Variants in CDK12 observed in about 807,000 individuals in gnomAD.
The protein encoded by CDK12 is cyclin dependent kinase 12.
In CDK12, 17 loss-of-function variants were observed where a neutral mutation model predicts 133.8. That is an observed-to-expected ratio of 0.13 (90% CI 0.09 to 0.19). CDK12 has a LOEUF of 0.19. Among genes scored for constraint, CDK12 ranks in the 10% least tolerant of loss-of-function variants. CDK12 has a pLI of 1.00. For missense variants in CDK12, 1,508 were observed against 1,818.7 expected, an observed-to-expected ratio of 0.83 and a Z score of 3.11; for synonymous variants, 694 against 683.6, an observed-to-expected ratio of 1.02 and a Z score of -0.24.
At chr17:39,505,025 T>C (rs1345858276) in intron 6 of CDK12, among the ~76,000 whole-genome samples, 2 of 150,028 alleles carry the variant, frequency 1.3e-5, no homozygotes, top group African/African-American at 2.5e-5. Context: ...GGTCAGGCGT[T>C]CAAGATCATC....
At chr17:39,510,623 C>CT (rs893921200) in intron 7 of CDK12, among the ~76,000 whole-genome samples, 139 of 148,992 alleles carry the variant, frequency 9.3e-4, no homozygotes, top group African/African-American at 3.0e-3. Flanking sequence ...CCTCCTTTTT[C>CT]TTTTTTTTTC....
intron 11 of CDK12, among the ~76,000 whole-genome samples, chr17:39,522,342 C>T (rs1166538075): frequency 6.6e-6 from 1 of 152,202 alleles, no homozygotes; most frequent in Admixed American, 6.5e-5. Context: ...CTGCCTCGGC[C>T]TCCGAAAGTG....
In CDK12 at chr17:39,461,845, C is replaced by T; in HGVS notation, c.-227C>T. 3 of 571,894 alleles carry T rather than the reference C, an allele frequency of 5.2e-6. No homozygotes were observed. The South Asian group carries it at 6.6e-5, about 13-fold the overall frequency. 35.4% of individuals were successfully genotyped at this position (571,894 alleles called of 1,614,324 possible). Reference sequence around the variant, plus strand: ...AGCTCCCCGTTGTCTCGCAACTCCACTGCCGAGGAACTCTCATTTCTTCCC... The same window carrying T: ...AGCTCCCCGTTGTCTCGCAACTCCATTGCCGAGGAACTCTCATTTCTTCCC... On this transcript the variant is annotated 5_prime_UTR_variant, in exon 1 of 14. Transcript: ENST00000447079.
At chr17:39,526,934 G>A (rs1030512873) in intron 13 of CDK12, among the ~76,000 whole-genome samples, 2 of 152,162 alleles carry the variant, frequency 1.3e-5, no homozygotes, top group African/African-American at 4.8e-5. Flanking sequence ...ATCAGGAAGT[G>A]CGTGTATTAT....
rs1290534650 is a variant in CDK12, at chr17:39,495,060, C to T, written c.2419+366C>T. Among the ~76,000 whole-genome samples, 9 of 151,772 alleles carry T rather than the reference C, an allele frequency of 5.9e-5. No homozygotes were observed. The South Asian group carries it at 1.2e-3, about 21-fold the overall frequency. On this transcript the variant is annotated intron_variant, in intron 5 of 13. Transcript: ENST00000447079. ...TTCTGGGATTACAGGCATGAGCCAC[C>T]GCGCCTGGCCCTTTCTTTCTTATTT...
chr17:39,485,705 C>G (rs926459921), intron 2 of CDK12, among the ~76,000 whole-genome samples: 1 of 151,428 alleles, frequency 6.6e-6, no homozygotes, highest in Non-Finnish European at 1.5e-5. Context: ...AGCCACTGTG[C>G]CTGGCCCCTG....
rs1338282304 is a variant in CDK12, at chr17:39,531,998, TCC to T, written c.*684_*685del. The T allele has an allele frequency of 8.6e-6, 2 of 233,734 alleles. No homozygotes were observed. Among genetic ancestry groups the T allele is most frequent in the African/African-American group, 2.2e-5 (1 of 45,336 alleles). The allele number at this position is 233,734 out of a possible 1,614,324, so 14.5% of individuals were successfully genotyped here. A position where few individuals can be genotyped will look rare whatever the true frequency, so the allele number is the denominator to read the frequency against. On this transcript the variant is annotated 3_prime_UTR_variant, in exon 14 of 14. Coordinates refer to ENST00000447079, the MANE Select transcript of CDK12 (RefSeq NM_016507.4). ...CACTTTGACAAAAGATACGCCCTTC[TCC>T]CTGCACATAAAGCAGGTTGTAGAAC...
intron 8 of CDK12, among the ~76,000 whole-genome samples, chr17:39,513,507 A>C (rs1387753253): frequency 6.6e-6 from 1 of 152,188 alleles, no homozygotes; most frequent in African/African-American, 2.4e-5. Context: ...CAGTATTAGC[A>C]TTTAAATTGT....
At chr17:39,559,443 C>T (rs1379705043) in intron 3 of CDK12, among the ~76,000 whole-genome samples, 1 of 152,186 alleles carries the variant, frequency 6.6e-6, no homozygotes, top group Non-Finnish European at 1.5e-5. Flanking sequence ...TCTAACACAA[C>T]AAGAATTCTT....
At chr17:39,508,698 A>G (rs750440835) in intron 6 of CDK12, among the ~76,000 whole-genome samples, 7 of 152,172 alleles carry the variant, frequency 4.6e-5, no homozygotes, top group Non-Finnish European at 7.3e-5. Flanking sequence ...TGTCAAGGAT[A>G]GAATACTGAG....
rs757116953 is a variant in CDK12, at chr17:39,462,324, G to C, written c.253G>C (p.Asp85His). Residue 85 changes from aspartate (D) to histidine (H), a missense_variant, in exon 1 of 14, where the codon GAT becomes CAT. This residue lies in a region of CDK12 where 460 missense variants were observed against 490.8 expected (regional missense o/e 0.94). Coordinates refer to ENST00000447079, the MANE Select transcript of CDK12 (RefSeq NM_016507.4). Reference protein sequence around the residue: ...DISSDSDTFSDDMAFKLDRRE... With the variant: ...DISSDSDTFSHDMAFKLDRRE... ...CAGCTCTGATTCCGACACCTTCTCC[G>C]ATGACATGGCCTTCAAACTAGACCG... 6.2e-6 allele frequency: 10 copies of C among 1,614,078 alleles called. No individual in the cohort carries two copies. The Admixed American group carries it at 6.7e-5, about 11-fold the overall frequency.
In CDK12 at chr17:39,463,085, C is replaced by G; in HGVS notation, c.1014C>G (p.Ser338Arg). 1 of 1,614,152 alleles carries G rather than the reference C, an allele frequency of 6.2e-7. No individual in the cohort carries two copies. ...GGCGGTCCAGCAGCCCTTTCCTGAG[C>G]AAGCGGTCTCTGAGTCGGAGTCCAC... ...GRRRSSSPFL[S>R]KRSLSRSPLP... is the part of the protein sequence containing the mutation. The change falls in exon 1 of 14, where the codon AGC (serine) becomes AGG (arginine). Residue 338 changes from serine (S) to arginine (R), a missense_variant. By Grantham distance (110) the Ser-to-Arg change is moderately radical. Around this residue, in one of 9 missense-constraint regions of CDK12, gnomAD observed 460 missense variants for 490.8 expected, o/e 0.94. Transcript: ENST00000447079.
rs1454783807 is a variant in CDK12 at position 39,532,428 on chromosome 17, T to G, written c.*1112T>G. The G allele has an allele frequency of 4.3e-6, 1 of 232,572 alleles. No homozygotes were observed. The highest frequency in any genetic ancestry group is 6.0e-5 in the East Asian group (1 of 16,642). 14.4% of individuals were successfully genotyped at this position (232,572 alleles called of 1,614,324 possible). A position where few individuals can be genotyped will look rare whatever the true frequency, so the allele number is the denominator to read the frequency against. On this transcript the variant is annotated 3_prime_UTR_variant, in exon 14 of 14. Transcript: ENST00000447079. ...CATTCCTAGAGGGCTAATAACAGCA[T>G]TTAGCATATTGTTTACACATATATT...
At chr17:39,514,702 TTAGTA>T (rs1476156011) in intron 8 of CDK12, among the ~76,000 whole-genome samples, 4 of 152,152 alleles carry the variant, frequency 2.6e-5, no homozygotes, top group Non-Finnish European at 4.4e-5. Flanking sequence ...ACAGAAAACT[TTAGTA>T]TAGCCTTATC....
At chr17:39,548,107 G>C (rs1253415381), upstream of CDK12, among the ~76,000 whole-genome samples, 1 of 152,172 alleles carries the variant, frequency 6.6e-6, no homozygotes, top group African/African-American at 2.4e-5. Context: ...CGAGGGCGCT[G>C]CTGGCCAATT....
At chr17:39,525,798 T>C in intron 12 of CDK12, 66 bp from the exon 13 acceptor site, 1 of 1,250,918 alleles carries the variant, frequency 8.0e-7, no homozygotes, top group Non-Finnish European at 1.1e-6. Context: ...CTGTTGCCAG[T>C]TGAAGAAGGC....
In CDK12 at chr17:39,531,155, C is replaced by G; in HGVS notation, c.4312C>G (p.Gln1438Glu). The change falls in exon 14 of 14, where the codon CAA becomes GAA. Residue 1438 changes from glutamine to glutamate, a missense_variant. Coordinates refer to ENST00000447079, the MANE Select transcript of CDK12 (RefSeq NM_016507.4). ...TGTGGTACATGCAGAGACCAAATTG[C>G]AAAACTATGGGGAGCTGGGGCCAGG... is the stretch of plus-strand genomic sequence containing the variant. The part of the protein sequence containing the change: ...NSVVHAETKL[Q>E]NYGELGPGTT... 2 of 1,530,978 alleles carry G rather than the reference C, an allele frequency of 1.3e-6. No individual in the cohort carries two copies. The highest frequency in any genetic ancestry group is 1.8e-6 in the Non-Finnish European group (2 of 1,140,568). The allele number at this position is 1,530,978 out of a possible 1,614,324, so 94.8% of individuals were successfully genotyped here. A position where few individuals can be genotyped will look rare whatever the true frequency, so the allele number is the denominator to read the frequency against.
At chr17:39,480,678 C>A (rs2050573683) in intron 2 of CDK12, among the ~76,000 whole-genome samples, 1 of 152,086 alleles carries the variant, frequency 6.6e-6, no homozygotes, top group Non-Finnish European at 1.5e-5. Flanking sequence ...CTGCCTTGGC[C>A]TCCCAAAGTG....
rs2144872707 is a variant in CDK12 at position 39,462,445 on chromosome 17, C to T, written c.374C>T (p.Ala125Val). The T allele has an allele frequency of 6.2e-7, 1 of 1,614,036 alleles. No homozygotes were observed. The highest frequency in any genetic ancestry group is 1.1e-5 in the South Asian group (1 of 91,080). ...AGGCGTTCCCGGGACTTACTAAAAG[C>T]TAAACAGACCGAAAAAGAAAAAAGC... The part of the protein sequence containing the change: ...QHRRSRDLLK[A>V]KQTEKEKSQE... The change falls in exon 1 of 14, where the codon GCT becomes GTT. Residue 125 changes from alanine (A) to valine (V), a missense_variant. Physicochemically the swap from Ala to Val is moderately conservative, Grantham distance 64. This residue lies in a region of CDK12 where 460 missense variants were observed against 490.8 expected (regional missense o/e 0.94). Coordinates refer to ENST00000447079, the MANE Select transcript of CDK12 (RefSeq NM_016507.4).
Sources: allele counts gnomAD v4.1 joint callset (sites outside exome capture counted in the v4.1 genomes callset), GRCh38; gene constraint gnomAD v4.1.1; regional missense constraint gnomAD v4.1.1; transcripts MANE v1.5; gene names NCBI Gene and HGNC (gene_info 2026-07-23, HGNC 2026-07-21).